MAP2K7: variants seen among roughly 807,000 people sequenced by gnomAD.
MAP2K7 encodes the protein dual specificity mitogen-activated protein kinase kinase 7.
In MAP2K7, 12 loss-of-function variants were observed where a neutral mutation model predicts 47.7. That is an observed-to-expected ratio of 0.25 (90% CI 0.16 to 0.41). The LOEUF is 0.41. Ranked by LOEUF, MAP2K7 falls within the 10% of genes least tolerant of loss-of-function variation. MAP2K7 has a pLI of 1.00. For synonymous variants in MAP2K7, 299 were observed against 243.0 expected (o/e 1.23, Z -2.14); for missense variants, 415 against 600.3 (o/e 0.69, Z 3.23).
rs117765980 is a variant in MAP2K7 at position 7,910,773 on chromosome 19, C to T, written c.645C>T (p.Pro215=). ...KLKKRMQGPI[P]ERILGKMTVA... is the part of the protein sequence containing the mutation. ...AGAAGCGGATGCAGGGCCCCATCCCCGAGCGCATTCTGGGCAAGATGACAG... is the reference window on the plus strand; with the variant it reads ...AGAAGCGGATGCAGGGCCCCATCCCTGAGCGCATTCTGGGCAAGATGACAG... Residue 215 remains proline (P), a synonymous_variant, in exon 6 of 11, where the codon CCC becomes CCT. Transcript: ENST00000397979. 6.0e-4 allele frequency: 961 copies of T among 1,610,124 alleles called. 1 individual carries two copies. Among genetic ancestry groups the T allele is most frequent in the African/African-American group, 3.2e-3 (238 of 74,804 alleles).
At chr19:7,908,550 A>G (rs1982608990) in intron 1 of MAP2K7, among the ~76,000 whole-genome samples, 4 of 152,122 alleles carry the variant, frequency 2.6e-5, no homozygotes, top group Admixed American at 1.3e-4. Flanking sequence ...AGCCTGCAGA[A>G]CTGTGGGGAG....
chr19:7,911,202 A>G, intron 7 of MAP2K7, 43 bp downstream of exon 7: 1 of 1,606,690 alleles, frequency 6.2e-7, no homozygotes, highest in East Asian at 2.2e-5. Context: ...GGGGGCTGGG[A>G]GGCCGGCCCC....
chr19:7,910,901 GC>G (rs2145141615), intron 6 of MAP2K7, 78 bp from the exon 7 acceptor site: 1 of 1,576,938 alleles, frequency 6.3e-7, no homozygotes. Flanking sequence ...GCGGTGAGTG[GC>G]CAGGTGGGGC....
chr19:7,905,935 C>T, intron 1 of MAP2K7: 1 of 1,268,972 alleles, frequency 7.9e-7, no homozygotes, highest in Non-Finnish European at 1.1e-6. Flanking sequence ...ATGGCGTCCC[C>T]CAGCCCCCAT....
Position 7,912,812 on chromosome 19 carries a change from G to A in MAP2K7, c.*381G>A, listed in dbSNP as rs1429868085. On this transcript the variant is annotated 3_prime_UTR_variant, in exon 11 of 11. Coordinates refer to ENST00000397979, the MANE Select transcript of MAP2K7 (RefSeq NM_145185.4). ...GTGCTGTGTCCTTCGCCACTCCCAC[G>A]CGCCCGTTCCTCTTCCGTCGCCCTC... is the stretch of plus-strand genomic sequence containing the variant. 2.0e-5 allele frequency: 5 copies of A among 248,430 alleles called. No homozygotes were observed. The highest frequency in any genetic ancestry group is 1.1e-4 in the South Asian group (2 of 18,606). 15.4% of individuals were successfully genotyped at this position (248,430 alleles called of 1,614,324 possible). A position where few individuals can be genotyped will look rare whatever the true frequency, so the allele number is the denominator to read the frequency against.
intron 1 of MAP2K7, chr19:7,906,345 TA>T (rs1982456647): frequency 6.4e-6 from 1 of 156,274 alleles, no homozygotes; most frequent in South Asian, 1.8e-4. Flanking sequence ...GGGGCTGCAA[TA>T]GGGGGGCCCA....
At chr19:7,911,189 G>A (rs757187418) in intron 7 of MAP2K7, 30 bp downstream of exon 7, 6 of 1,608,232 alleles carry the variant, frequency 3.7e-6, no homozygotes, top group Middle Eastern at 1.7e-4. Context: ...CGGGGGAGGG[G>A]GTGGGGGCTG....
rs996146355 is a variant in MAP2K7, at chr19:7,913,890, G to T, written c.*1459G>T. ...GCATCCCTCTCCTCTCACTTAGCCTGTTGACTCTTGTTATTATCATGATAT... is the reference window on the plus strand; with the variant it reads ...GCATCCCTCTCCTCTCACTTAGCCTTTTGACTCTTGTTATTATCATGATAT... On this transcript the variant is annotated 3_prime_UTR_variant, in exon 11 of 11. Transcript: ENST00000397979. 1.4e-4 allele frequency: 21 copies of T among 152,638 alleles called. No individual in the cohort carries two copies. Among genetic ancestry groups the T allele is most frequent in the Middle Eastern group, 3.4e-3 (1 of 294 alleles). The allele number at this position is 152,638 out of a possible 1,614,324, so 9.5% of individuals were successfully genotyped here. A position where few individuals can be genotyped will look rare whatever the true frequency, so the allele number is the denominator to read the frequency against.
chr19:7,909,930 G>A (rs761144899), intron 2 of MAP2K7, 34 bp downstream of exon 2: 101 of 1,502,850 alleles, frequency 6.7e-5, no homozygotes, highest in Admixed American at 9.2e-5. Flanking sequence ...TGGGTGGGAA[G>A]CAGCATTGAG....
intron 1 of MAP2K7, chr19:7,906,157 CTGTG>C (rs1265351614): frequency 8.8e-6 from 4 of 452,100 alleles, no homozygotes; most frequent in Non-Finnish European, 1.6e-5. Flanking sequence ...GGGTGCACGC[CTGTG>C]TGTGTGTAAC....
chr19:7,910,117 C>T lies in MAP2K7; in HGVS notation c.321C>T (p.Thr107=), dbSNP rs772156917. Residue 107 remains threonine, a synonymous_variant, in exon 3 of 11, where the codon ACC becomes ACT. Coordinates refer to ENST00000397979, the MANE Select transcript of MAP2K7 (RefSeq NM_145185.4). The part of the protein sequence containing the change: ...QEIMKQTGYL[T]IGGQRYQAEI... ...TCATGAAGCAGACGGGCTACCTGACCATCGGGGGCCAGGTACCACCTTCAC... is the reference window on the plus strand; with the variant it reads ...TCATGAAGCAGACGGGCTACCTGACTATCGGGGGCCAGGTACCACCTTCAC... The T allele has an allele frequency of 6.2e-7, 1 of 1,606,542 alleles. No homozygotes were observed. The highest frequency in any genetic ancestry group is 2.2e-5 in the East Asian group (1 of 44,742).
At chr19:7,910,224 G>T (rs768822056) in intron 3 of MAP2K7, 36 bp from the exon 4 acceptor site, 1 of 1,607,642 alleles carries the variant, frequency 6.2e-7, no homozygotes, top group Non-Finnish European at 8.5e-7. Flanking sequence ...GGTGGCAGAG[G>T]CCCCAGGGAC....
At chr19:7,907,632 C>T (rs539394056) in intron 1 of MAP2K7, among the ~76,000 whole-genome samples, 2 of 152,302 alleles carry the variant, frequency 1.3e-5, no homozygotes, top group East Asian at 1.9e-4. Context: ...CTACCTGAAC[C>T]CTCCCTTCCA....
At chr19:7,908,447 C>G (rs532500777) in intron 1 of MAP2K7, among the ~76,000 whole-genome samples, 5 of 152,152 alleles carry the variant, frequency 3.3e-5, no homozygotes, top group Non-Finnish European at 5.9e-5. Flanking sequence ...TGGCTGAGAT[C>G]AGGGTCCTGG....
At chr19:7,912,079 G>T (rs1194691054) in intron 9 of MAP2K7, 70 bp from the exon 10 acceptor site, 2 of 1,482,556 alleles carry the variant, frequency 1.3e-6, no homozygotes, top group Admixed American at 3.4e-5. Context: ...GGGAGGGCCT[G>T]AGCACAGGGG....
chr19:7,911,378 G>C (rs754572450), intron 8 of MAP2K7, 48 bp downstream of exon 8: 1 of 1,613,420 alleles, frequency 6.2e-7, no homozygotes, highest in East Asian at 2.2e-5. Context: ...GAGGGCTTCT[G>C]GGGGACTCGG....
chr19:7,909,106 C>T (rs1447315248), intron 1 of MAP2K7, among the ~76,000 whole-genome samples: 1 of 152,212 alleles, frequency 6.6e-6, no homozygotes, highest in Non-Finnish European at 1.5e-5. Context: ...GGATGCAGGC[C>T]CCCTGAGGTC....
Position 7,909,712 on chromosome 19 carries a change from G to A in MAP2K7, c.125-43G>A, listed in dbSNP as rs965095739. The A allele has an allele frequency of 4.5e-6, 6 of 1,343,600 alleles. No homozygotes were observed. In the African/African-American group the frequency reaches 5.8e-5, roughly 13 times the overall value. The allele number at this position is 1,343,600 out of a possible 1,614,324, so 83.2% of individuals were successfully genotyped here. A position where few individuals can be genotyped will look rare whatever the true frequency, so the allele number is the denominator to read the frequency against. The stretch of plus-strand genomic sequence containing the variant: ...GCCAGATGTGGAGCTGACACCAGCT[G>A]GGCGCTGACCCCCCTCCCTGCCACT... On this transcript the variant is annotated intron_variant, in intron 1 of 10. Coordinates refer to ENST00000397979, the MANE Select transcript of MAP2K7 (RefSeq NM_145185.4).
intron 1 of MAP2K7, 109 bp from the exon 2 acceptor site, chr19:7,909,646 C>T: frequency 1.6e-6 from 1 of 643,630 alleles, no homozygotes; most frequent in Non-Finnish European, 2.7e-6. Context: ...GCTCGGGAAA[C>T]CCAGGAGGGG....
Sources: allele counts gnomAD v4.1 joint callset (sites outside exome capture counted in the v4.1 genomes callset), GRCh38; gene constraint gnomAD v4.1.1; transcripts MANE v1.5; gene names NCBI Gene and HGNC (gene_info 2026-07-23, HGNC 2026-07-21).